ADAM22: variants seen among roughly 807,000 people sequenced by gnomAD.
ADAM22 encodes the protein ADAM metallopeptidase domain 22.
ADAM22 carries 65 observed loss-of-function variants against 144.6 expected under a neutral mutation model. The observed-to-expected ratio is 0.45, with a 90% CI of 0.37 to 0.55. The LOEUF is 0.55. ADAM22 is among the 20% of genes least tolerant of loss of function. The pLI is 0.00. For missense variants in ADAM22, 974 were observed against 1,184.9 expected (o/e 0.82, Z 2.61); for synonymous variants, 391 against 412.6 (o/e 0.95, Z 0.63).
At chr7:88,112,378 C>T (rs1826276211) in intron 5 of ADAM22, among the ~76,000 whole-genome samples, 1 of 152,124 alleles carries the variant, frequency 6.6e-6, no homozygotes, top group Non-Finnish European at 1.5e-5. Flanking sequence ...AATTATAGCT[C>T]ATGGAATTTC....
intron 3 of ADAM22, among the ~76,000 whole-genome samples, chr7:88,067,387 C>G (rs1053374814): frequency 1.3e-5 from 2 of 151,110 alleles, no homozygotes; most frequent in African/African-American, 4.9e-5. Context: ...CTAATGCTAA[C>G]CCTCCCTCCT....
In ADAM22 at chr7:88,196,657, C is replaced by T. The variant is rs1563451029; in HGVS notation, c.*166C>T. ...GAGTTTCACATCTGGTTACCATTTT[C>T]TTTTTGTCATTGGCTTAGGATTTAA... On this transcript the variant is annotated 3_prime_UTR_variant, in exon 32 of 32. Coordinates refer to ENST00000413139, the MANE Select transcript of ADAM22 (RefSeq NM_001324418.2). 2.9e-6 allele frequency: 2 copies of T among 694,654 alleles called. No individual in the cohort carries two copies. The highest frequency in any genetic ancestry group is 3.6e-5 in the African/African-American group (2 of 55,778). The allele number at this position is 694,654 out of a possible 1,614,324, so 43.0% of individuals were successfully genotyped here.
At chr7:88,108,737 TAAAG>T (rs146566493) in intron 5 of ADAM22, among the ~76,000 whole-genome samples, 66,898 of 148,490 alleles carry the variant, frequency 0.45, 16,361 homozygotes, top group East Asian at 0.9. Flanking sequence ...TCAAAAAAAA[TAAAG>T]AAAGAAAGAA....
At chr7:88,057,010 A>G (rs542839632) in intron 3 of ADAM22, among the ~76,000 whole-genome samples, 1 of 152,322 alleles carries the variant, frequency 6.6e-6, no homozygotes, top group East Asian at 1.9e-4. Context: ...CTTTAAAGTT[A>G]TTACCCTAGG....
At chr7:87,996,166 G>A (rs1341075435) in intron 3 of ADAM22, among the ~76,000 whole-genome samples, 1 of 152,204 alleles carries the variant, frequency 6.6e-6, no homozygotes, top group African/African-American at 2.4e-5. Flanking sequence ...AATCATGGGG[G>A]CAGGAAAGAC....
intron 4 of ADAM22, among the ~76,000 whole-genome samples, chr7:88,107,207 T>A (rs1166468208): frequency 1.4e-5 from 2 of 142,756 alleles, no homozygotes; most frequent in African/African-American, 5.3e-5. Context: ...TCTTTTTTTT[T>A]TTTTTTTTTT....
intron 3 of ADAM22, among the ~76,000 whole-genome samples, chr7:88,037,119 A>G (rs953304261): frequency 1.3e-5 from 2 of 152,084 alleles, no homozygotes; most frequent in Non-Finnish European, 2.9e-5. Flanking sequence ...GCTATTATGA[A>G]CATATTTGCG....
chr7:88,052,581 C>T (rs1056218246), intron 3 of ADAM22, among the ~76,000 whole-genome samples: 1 of 152,044 alleles, frequency 6.6e-6, no homozygotes, highest in African/African-American at 2.4e-5. Context: ...GCAAACATAA[C>T]CTAAAATCAA....
intron 30 of ADAM22, among the ~76,000 whole-genome samples, chr7:88,187,948 C>A (rs1848681262): frequency 6.6e-6 from 1 of 151,764 alleles, no homozygotes; most frequent in South Asian, 2.1e-4. Context: ...TGTCCCTCTG[C>A]TTGTCCCACA....
At chr7:88,184,087 C>G (rs1352218020) in intron 29 of ADAM22, among the ~76,000 whole-genome samples, 2 of 151,832 alleles carry the variant, frequency 1.3e-5, no homozygotes, top group Non-Finnish European at 2.9e-5. Context: ...CCCTTTAGTA[C>G]CTCATTATTC....
chr7:87,974,716 A>T (rs892195228), intron 2 of ADAM22, among the ~76,000 whole-genome samples: 1 of 152,142 alleles, frequency 6.6e-6, no homozygotes, highest in African/African-American at 2.4e-5. Flanking sequence ...AAACAACAAC[A>T]ACTTATTGTC....
intron 3 of ADAM22, among the ~76,000 whole-genome samples, chr7:88,034,851 G>T (rs1563072253): frequency 6.6e-6 from 1 of 152,148 alleles, no homozygotes; most frequent in African/African-American, 2.4e-5. Context: ...TTGCCTAAGT[G>T]CACAGTTTCT....
chr7:87,984,399 A>G (rs866000002), intron 3 of ADAM22, among the ~76,000 whole-genome samples: 2 of 152,116 alleles, frequency 1.3e-5, no homozygotes, highest in Admixed American at 6.5e-5. Context: ...GGTGTCACCA[A>G]TGGGAAAGCT....
At chr7:88,109,782 G>A (rs375906213) in intron 5 of ADAM22, among the ~76,000 whole-genome samples, 4 of 151,556 alleles carry the variant, frequency 2.6e-5, no homozygotes, top group African/African-American at 7.3e-5. Context: ...CATTGTCACC[G>A]AAGAACAGGT....
chr7:88,193,872 G>C, intron 31 of ADAM22, among the ~76,000 whole-genome samples: 1 of 152,160 alleles, frequency 6.6e-6, no homozygotes, highest in Middle Eastern at 3.2e-3. Context: ...AGGTAAACGT[G>C]GATCATTCAA....
chr7:88,048,559 G>A (rs17150161), intron 3 of ADAM22, among the ~76,000 whole-genome samples: 60,503 of 151,780 alleles, frequency 0.4, 13,354 homozygotes, highest in East Asian at 0.59. Flanking sequence ...TTTGATTCTG[G>A]AAAGATTGAA....
At position 88,068,685 on chromosome 7, in the gene ADAM22, G is replaced by A. The variant is rs188815379; in HGVS notation, c.324-6941G>A. ...GATATGCTTTATGTAGTGTCAGCTG[G>A]GATGCTATTATATCTGGAAGATGCA... On this transcript the variant is annotated intron_variant, in intron 3 of 31. Transcript: ENST00000413139. Among the ~76,000 whole-genome samples the A allele has an allele frequency of 5.7e-3, 871 of 152,222 alleles. 38 individuals are homozygous for A. Among genetic ancestry groups the A allele is most frequent in the Admixed American group, 0.054 (821 of 15,278 alleles).
chr7:87,935,140 A>G lies in ADAM22; in HGVS notation c.200A>G (p.His67Arg). ...TCGGGCGGCGAAGACGAAAGTCGGC[A>G]CGACGCGCTCGACACGCGGGTGCGG... ...YRSGGEDESR[H>R]DALDTRVRGD... The change falls in exon 2 of 32, where the codon CAC (histidine) becomes CGC (arginine). Residue 67 changes from histidine (H) to arginine (R), a missense_variant. Physicochemically the swap from His to Arg is conservative, Grantham distance 29. Coordinates refer to ENST00000413139, the MANE Select transcript of ADAM22 (RefSeq NM_001324418.2). 1 of 1,613,156 alleles carries G rather than the reference A, an allele frequency of 6.2e-7. No individual in the cohort carries two copies. The highest frequency in any genetic ancestry group is 8.5e-7 in the Non-Finnish European group (1 of 1,179,668).
intron 23 of ADAM22, among the ~76,000 whole-genome samples, chr7:88,164,107 CAT>C (rs1231754716): frequency 6.6e-6 from 1 of 152,016 alleles, no homozygotes; most frequent in African/African-American, 2.4e-5. Flanking sequence ...GTAGAGCAGA[CAT>C]GTACTAAGTA....
Sources: gnomAD v4.1 joint callset for allele counts (sites outside exome capture counted in the v4.1 genomes callset) on GRCh38, gnomAD v4.1.1 for gene constraint, MANE v1.5 for transcripts, NCBI Gene and HGNC (gene_info 2026-07-23, HGNC 2026-07-21) for gene names.